The following IFT80 variants were observed in gnomAD, a reference collection of about 807,000 sequenced individuals.
The protein encoded by IFT80 is intraflagellar transport protein 80 homolog.
IFT80 carries 79 observed loss-of-function variants against 107.9 expected under a neutral mutation model. The observed-to-expected ratio is 0.73, with a 90% CI of 0.61 to 0.88. IFT80 has a LOEUF of 0.88. IFT80 is among the 40% of genes least tolerant of loss of function. IFT80 has a pLI of 0.00. For missense variants in IFT80, 797 were observed against 914.2 expected (o/e 0.87, Z 1.65); for synonymous variants, 299 against 300.9 (o/e 0.99, Z 0.07).
intron 5 of IFT80, among the ~76,000 whole-genome samples, chr3:160,369,925 C>A (rs2108383991): frequency 6.6e-6 from 1 of 152,068 alleles, no homozygotes; most frequent in African/African-American, 2.4e-5. Context: ...ATCATGTGAC[C>A]TTTTTGACAT....
intron 1 of IFT80, among the ~76,000 whole-genome samples, chr3:160,395,681 A>T (rs6793560): frequency 0.52 from 79,773 of 152,018 alleles, 21,394 homozygotes; most frequent in African/African-American, 0.56. Context: ...GGGGAGAGCC[A>T]AAAGGTGCTA....
At chr3:160,377,341 G>T in intron 4 of IFT80, 89 bp downstream of exon 4, 1 of 768,728 alleles carries the variant, frequency 1.3e-6, no homozygotes, top group Non-Finnish European at 2.3e-6. Context: ...CACAATGAAA[G>T]ACACTATTGC....
chr3:160,371,882 A>C (rs1486791409), intron 5 of IFT80, among the ~76,000 whole-genome samples: 7 of 152,196 alleles, frequency 4.6e-5, no homozygotes, highest in Admixed American at 4.6e-4. Context: ...TATATATTTT[A>C]ATTAGAGATT....
chr3:160,369,214 A>G (rs1722069568), intron 5 of IFT80, among the ~76,000 whole-genome samples: 1 of 152,154 alleles, frequency 6.6e-6, no homozygotes, highest in Non-Finnish European at 1.5e-5. Flanking sequence ...AAGCTTATAA[A>G]GAAAAAGTTA....
intron 8 of IFT80, among the ~76,000 whole-genome samples, chr3:160,327,750 G>A (rs1308289789): frequency 1.3e-5 from 2 of 152,020 alleles, no homozygotes; most frequent in Non-Finnish European, 2.9e-5. Context: ...AGAAAACCTA[G>A]GCAATACCAC....
chr3:160,274,964 T>C lies in IFT80; in HGVS notation c.2099+2342A>G, dbSNP rs1408895111. 2.0e-5 allele frequency among the ~76,000 whole-genome samples: 3 copies of C among 152,228 alleles called. No homozygotes were observed. In the East Asian group the frequency reaches 5.8e-4, roughly 29 times the overall value. ...ATGCAATGGTACCAGCCATAGATAA[T>C]TGATTGCTTAGTGATAAATTGAGCT... On this transcript the variant is annotated intron_variant, in intron 18 of 19. Coordinates refer to ENST00000326448, the MANE Select transcript of IFT80 (RefSeq NM_020800.3).
chr3:160,356,083 G>T lies in IFT80; in HGVS notation c.707C>A (p.Ala236Asp). 6.2e-7 allele frequency: 1 copy of T among 1,614,126 alleles called. No individual in the cohort carries two copies. Among genetic ancestry groups the T allele is most frequent in the Non-Finnish European group, 8.5e-7 (1 of 1,179,968 alleles). ...AAATAATTCTCCATCTGGAGCCCAG[G>T]CAACTGAAGTAATGGGATGCTCATG... ...QPHEHPITSV[A>D]WAPDGELFAV... The change falls in exon 8 of 20, where the codon GCC (alanine) becomes GAC (aspartate). Residue 236 changes from alanine (A) to aspartate (D), a missense_variant. Ala to Asp is a moderately radical substitution (Grantham distance 126). Transcript: ENST00000326448.
chr3:160,264,485 C>T (rs183989080), intron 19 of IFT80, among the ~76,000 whole-genome samples: 15 of 150,862 alleles, frequency 9.9e-5, no homozygotes, highest in East Asian at 7.8e-4. Context: ...TGTAGTGGCA[C>T]GACCTCAGCT....
chr3:160,380,487 C>T (rs1354033731), intron 3 of IFT80, among the ~76,000 whole-genome samples: 1 of 152,120 alleles, frequency 6.6e-6, no homozygotes, highest in African/African-American at 2.4e-5. Context: ...AGAGTCTACC[C>T]AAGAGATGGT....
chr3:160,352,017 ATT>A (rs553114042), intron 8 of IFT80, among the ~76,000 whole-genome samples: 42 of 143,740 alleles, frequency 2.9e-4, no homozygotes, highest in African/African-American at 7.2e-4. Context: ...CACAATAGTA[ATT>A]TTTTTTTTTT....
At chr3:160,383,294 A>G (rs937074643) in intron 2 of IFT80, 2 of 192,432 alleles carry the variant, frequency 1.0e-5, no homozygotes, top group East Asian at 3.7e-4. Context: ...GTCAAAATCT[A>G]TAAAATTGTG....
intron 13 of IFT80, among the ~76,000 whole-genome samples, chr3:160,283,546 A>T (rs1192377582): frequency 2.0e-5 from 3 of 152,208 alleles, no homozygotes; most frequent in Non-Finnish European, 2.9e-5. Context: ...ACCATAATTT[A>T]TATTTTAAGA....
intron 8 of IFT80, 89 bp downstream of exon 8, chr3:160,355,924 A>G: frequency 1.4e-6 from 2 of 1,442,290 alleles, no homozygotes; most frequent in Non-Finnish European, 1.9e-6. Context: ...CATCCATTGA[A>G]AATGTTTTTT....
chr3:160,309,503 C>T (rs562636679), intron 9 of IFT80, among the ~76,000 whole-genome samples: 3 of 152,174 alleles, frequency 2.0e-5, no homozygotes, highest in South Asian at 2.1e-4. Context: ...CTGGCTAATG[C>T]GGTGAAACCC....
chr3:160,312,631 AT>A (rs1717379046), intron 9 of IFT80, among the ~76,000 whole-genome samples: 2 of 61,114 alleles, frequency 3.3e-5, no homozygotes, highest in African/African-American at 1.4e-4. Context: ...ATATATATAT[AT>A]AATAAATATA....
chr3:160,315,101 GAGAA>G (rs1314714544), intron 9 of IFT80, among the ~76,000 whole-genome samples: 42 of 149,282 alleles, frequency 2.8e-4, no homozygotes, highest in Middle Eastern at 6.9e-3. Flanking sequence ...AAAAGAGAGA[GAGAA>G]AGAAAGAAAG....
At chr3:160,335,888 T>C (rs1173520611) in intron 8 of IFT80, among the ~76,000 whole-genome samples, 2 of 152,210 alleles carry the variant, frequency 1.3e-5, no homozygotes. Flanking sequence ...GATTATTTCA[T>C]ATACATAAAA....
intron 16 of IFT80, 95 bp from the exon 17 acceptor site, chr3:160,277,765 A>T: frequency 1.2e-6 from 1 of 806,516 alleles, no homozygotes; most frequent in Non-Finnish European, 2.1e-6. Context: ...ATGATATTTT[A>T]ATTTAAAAAA....
intron 19 of IFT80, among the ~76,000 whole-genome samples, chr3:160,261,631 C>T (rs1333594738): frequency 6.7e-6 from 1 of 149,932 alleles, no homozygotes; most frequent in Non-Finnish European, 1.5e-5. Context: ...GAGACCCTGT[C>T]TATACAAAAA....
Sources: allele counts gnomAD v4.1 joint callset (sites outside exome capture counted in the v4.1 genomes callset), GRCh38; gene constraint gnomAD v4.1.1; transcripts MANE v1.5; gene names NCBI Gene and HGNC (gene_info 2026-07-23, HGNC 2026-07-21).